Variants in GALNTL6 observed in about 807,000 individuals in gnomAD.
GALNTL6 encodes polypeptide N-acetylgalactosaminyltransferase like 6, also known as polypeptide N-acetylgalactosaminyltransferase-like 6.
In GALNTL6, 46 loss-of-function variants were observed where a neutral mutation model predicts 73.7. That is an observed-to-expected ratio of 0.62 (90% CI 0.49 to 0.80). GALNTL6 has a LOEUF of 0.80. GALNTL6 is among the 30% of genes least tolerant of loss of function. GALNTL6 has a pLI of 0.00. For synonymous variants in GALNTL6, 259 were observed against 263.7 expected, an observed-to-expected ratio of 0.98 and a Z score of 0.17; for missense variants, 604 against 755.0, an observed-to-expected ratio of 0.80 and a Z score of 2.34.
intron 12 of GALNTL6, among the ~76,000 whole-genome samples, chr4:173,036,736 A>G (rs931085379): frequency 2.6e-5 from 4 of 152,244 alleles, no homozygotes; most frequent in African/African-American, 9.6e-5. Flanking sequence ...GACTGGACAA[A>G]GAACAACCTA....
chr4:172,590,486 G>T (rs1319190914), intron 5 of GALNTL6, among the ~76,000 whole-genome samples: 1 of 152,086 alleles, frequency 6.6e-6, no homozygotes, highest in Non-Finnish European at 1.5e-5. Flanking sequence ...CATAGTTTGG[G>T]ATCAGTATCC....
intron 5 of GALNTL6, among the ~76,000 whole-genome samples, chr4:172,639,693 G>C (rs2111117794): frequency 6.6e-6 from 1 of 151,810 alleles, no homozygotes; most frequent in South Asian, 2.1e-4. Context: ...TGATGTCCTT[G>C]TTTCATATTT....
chr4:172,879,454 G>A (rs539103624), intron 7 of GALNTL6, among the ~76,000 whole-genome samples: 2 of 151,914 alleles, frequency 1.3e-5, no homozygotes, highest in South Asian at 4.1e-4. Flanking sequence ...AATTAAATTG[G>A]AAATTAATAA....
intron 5 of GALNTL6, among the ~76,000 whole-genome samples, chr4:172,349,675 G>T (rs1458437310): frequency 6.6e-6 from 1 of 151,924 alleles, no homozygotes; most frequent in Non-Finnish European, 1.5e-5. Flanking sequence ...TGATTCAGAG[G>T]TTGCCTAGTA....
intron 5 of GALNTL6, among the ~76,000 whole-genome samples, chr4:172,680,664 G>T (rs1377883916): frequency 6.6e-6 from 1 of 152,048 alleles, no homozygotes; most frequent in Middle Eastern, 3.2e-3. Context: ...TTTTAAAAAA[G>T]CCGTCTTCTT....
At chr4:172,872,158 C>T (rs1402574288) in intron 7 of GALNTL6, among the ~76,000 whole-genome samples, 2 of 152,164 alleles carry the variant, frequency 1.3e-5, no homozygotes, top group East Asian at 3.8e-4. Context: ...TATAACAACA[C>T]TGATTTTTGT....
At chr4:172,308,057 G>C (rs1438221379) in intron 3 of GALNTL6, among the ~76,000 whole-genome samples, 1 of 97,104 alleles carries the variant, frequency 1.0e-5, no homozygotes, top group African/African-American at 4.2e-5. Flanking sequence ...CAGTGGTTAA[G>C]TTGTTGATTT....
At chr4:171,877,284 T>C (rs1736307038) in intron 2 of GALNTL6, among the ~76,000 whole-genome samples, 1 of 152,200 alleles carries the variant, frequency 6.6e-6, no homozygotes, top group South Asian at 2.1e-4. Flanking sequence ...TGTGTAAATT[T>C]AGTCTTTTCA....
At chr4:171,925,292 C>T (rs558416793) in intron 2 of GALNTL6, among the ~76,000 whole-genome samples, 1 of 152,096 alleles carries the variant, frequency 6.6e-6, no homozygotes, top group African/African-American at 2.4e-5. Flanking sequence ...GGTAGAAATT[C>T]CGATTAAAAT....
intron 2 of GALNTL6, among the ~76,000 whole-genome samples, chr4:171,916,846 C>G (rs547639811): frequency 2.0e-5 from 3 of 152,154 alleles, no homozygotes; most frequent in Admixed American, 6.6e-5. Context: ...TACATAGTCT[C>G]TCTATATCTT....
chr4:172,961,680 A>G (rs1460261468), intron 10 of GALNTL6, among the ~76,000 whole-genome samples: 2 of 152,186 alleles, frequency 1.3e-5, no homozygotes, highest in East Asian at 3.9e-4. Flanking sequence ...AGATGGTGCC[A>G]AGATTGAAAG....
At chr4:172,304,090 T>G (rs2111128139) in intron 3 of GALNTL6, among the ~76,000 whole-genome samples, 1 of 152,202 alleles carries the variant, frequency 6.6e-6, no homozygotes, top group South Asian at 2.1e-4. Flanking sequence ...TTTTTTTCTC[T>G]CAAACTTGAT....
chr4:171,931,500 A>G (rs1480911000), intron 2 of GALNTL6, among the ~76,000 whole-genome samples: 1 of 152,238 alleles, frequency 6.6e-6, no homozygotes, highest in Non-Finnish European at 1.5e-5. Context: ...TACAGATTTA[A>G]CATATGATAG....
At chr4:172,756,005 A>G (rs982328347) in intron 5 of GALNTL6, among the ~76,000 whole-genome samples, 1 of 152,242 alleles carries the variant, frequency 6.6e-6, no homozygotes, top group African/African-American at 2.4e-5. Flanking sequence ...TATAATTTAG[A>G]TTCTCTAAGC....
chr4:172,966,359 T>C (rs569788014), intron 10 of GALNTL6, among the ~76,000 whole-genome samples: 1 of 151,770 alleles, frequency 6.6e-6, no homozygotes, highest in African/African-American at 2.4e-5. Context: ...CGGAGGTTCC[T>C]GGGGTCCTGG....
At chr4:172,879,032 A>C (rs1212499010) in intron 7 of GALNTL6, among the ~76,000 whole-genome samples, 2 of 151,920 alleles carry the variant, frequency 1.3e-5, no homozygotes, top group Admixed American at 6.6e-5. Context: ...AAGTCATTTC[A>C]TAGCAATAAT....
intron 2 of GALNTL6, among the ~76,000 whole-genome samples, chr4:171,854,576 G>C (rs1205743213): frequency 6.6e-6 from 1 of 152,114 alleles, no homozygotes; most frequent in Non-Finnish European, 1.5e-5. Context: ...TAGTCCATTT[G>C]GGCTGTTATA....
At chr4:171,826,804 C>T (rs1370134077) in intron 2 of GALNTL6, among the ~76,000 whole-genome samples, 1 of 151,904 alleles carries the variant, frequency 6.6e-6, no homozygotes, top group Non-Finnish European at 1.5e-5. Context: ...GAGAGTAGAA[C>T]AGGAAAACAT....
chr4:172,850,361 G>A (rs531646159), intron 7 of GALNTL6, among the ~76,000 whole-genome samples: 11 of 152,308 alleles, frequency 7.2e-5, no homozygotes, highest in Admixed American at 5.9e-4. Flanking sequence ...CCAGTCTATA[G>A]AGCAGGATAA....
Sources: gnomAD v4.1 joint callset for allele counts (sites outside exome capture counted in the v4.1 genomes callset) on GRCh38, gnomAD v4.1.1 for gene constraint, MANE v1.5 for transcripts, NCBI Gene and HGNC (gene_info 2026-07-23, HGNC 2026-07-21) for gene names.